Variants in SAG observed in about 807,000 individuals in gnomAD.
The protein encoded by SAG is S-antigen visual arrestin.
Under a neutral mutation model 55.0 loss-of-function variants are expected in SAG, and 45 were observed. The observed-to-expected ratio is 0.82, with a 90% CI of 0.64 to 1.05. The LOEUF (loss-of-function observed/expected upper bound fraction) is 1.05. Among genes scored for constraint, SAG ranks in the 50% least tolerant of loss-of-function variants. The probability of loss-of-function intolerance (pLI) is 0.00; values close to 1 mark genes in which losing one functional copy is unlikely to be tolerated. For synonymous variants in SAG, 189 were observed against 197.4 expected, an observed-to-expected ratio of 0.96 and a Z score of 0.36; for missense variants, 455 against 512.1, an observed-to-expected ratio of 0.89 and a Z score of 1.08.
chr2:233,338,672 G>T lies in SAG; in HGVS notation c.945-4G>T. 1.2e-5 allele frequency: 20 copies of T among 1,613,176 alleles called. No homozygotes were observed. The highest frequency in any genetic ancestry group is 1.7e-5 in the Non-Finnish European group (20 of 1,179,304). On this transcript the variant is annotated splice_polypyrimidine_tract_variant and splice_region_variant and intron_variant, in intron 11 of 15. Coordinates refer to ENST00000409110, the MANE Select transcript of SAG (RefSeq NM_000541.5). Reference sequence around the variant, plus strand: ...CATTCTCCTTTTCCCTTCTGTTTGGGCAGCATTAAGGAGGGCATAGACCGG... The same window carrying T: ...CATTCTCCTTTTCCCTTCTGTTTGGTCAGCATTAAGGAGGGCATAGACCGG...
At chr2:233,327,092 G>A (rs373106718) in intron 6 of SAG, 29 bp from the exon 7 acceptor site, 22 of 1,595,990 alleles carry the variant, frequency 1.4e-5, no homozygotes, top group Middle Eastern at 1.7e-4. Flanking sequence ...GTCGCTGATC[G>A]CTGCCTGTCT....
rs1700762472 is a variant in SAG at position 233,331,545 on chromosome 2, G to C, written c.734-95G>C. Reference sequence around the variant, plus strand: ...GAAGTGGAGGGAAACCATCATCAGAGAGGAGAGACCAGCGTGTACCCTGGG... The same window carrying C: ...GAAGTGGAGGGAAACCATCATCAGACAGGAGAGACCAGCGTGTACCCTGGG... On this transcript the variant is annotated intron_variant, in intron 9 of 15. Coordinates refer to ENST00000409110, the MANE Select transcript of SAG (RefSeq NM_000541.5). The C allele has an allele frequency of 3.8e-6, 3 of 787,700 alleles. No homozygotes were observed. In the African/African-American group the frequency reaches 5.1e-5, roughly 13 times the overall value. The allele number at this position is 787,700 out of a possible 1,614,324, so 48.8% of individuals were successfully genotyped here.
chr2:233,336,736 G>A (rs529548234), intron 11 of SAG, among the ~76,000 whole-genome samples: 2 of 152,196 alleles, frequency 1.3e-5, no homozygotes, highest in African/African-American at 4.8e-5. Flanking sequence ...GACTTGCAGG[G>A]TGTTCTCAGG....
chr2:233,342,592 A>G, intron 14 of SAG: 1 of 465,168 alleles, frequency 2.1e-6, no homozygotes, highest in South Asian at 2.8e-5. Flanking sequence ...GTGAGGTTTT[A>G]TCATGAATGA....
At chr2:233,337,064 C>G (rs1700956079) in intron 11 of SAG, among the ~76,000 whole-genome samples, 1 of 151,240 alleles carries the variant, frequency 6.6e-6, no homozygotes, top group Non-Finnish European at 1.5e-5. Context: ...CCATTGCATT[C>G]CAGCCTAGGT....
chr2:233,338,626 T>C (rs1484157254), intron 11 of SAG, 50 bp from the exon 12 acceptor site: 1 of 1,537,002 alleles, frequency 6.5e-7, no homozygotes, highest in Middle Eastern at 2.1e-4. Context: ...CATCTGCTCT[T>C]CACCCTCCTC....
chr2:233,342,539 T>C (rs1041739860), intron 14 of SAG: 22 of 583,842 alleles, frequency 3.8e-5, no homozygotes, highest in Non-Finnish European at 6.4e-5. Context: ...TCAGCTGGAG[T>C]CTGCAAGATG....
intron 2 of SAG, among the ~76,000 whole-genome samples, chr2:233,310,291 G>A (rs905098492): frequency 6.6e-6 from 1 of 152,022 alleles, no homozygotes; most frequent in Admixed American, 6.6e-5. Flanking sequence ...GAAGAAACAG[G>A]TGAAATTCAT....
At position 233,327,190 on chromosome 2, in the gene SAG, C is replaced by T; in HGVS notation, c.505C>T (p.Pro169Ser). ...CACCGATGCCGAAGAGGACAAAATCCCCAAGAAGTAAGAGTATGGTTGCGG... is the reference window on the plus strand; with the variant it reads ...CACCGATGCCGAAGAGGACAAAATCTCCAAGAAGTAAGAGTATGGTTGCGG... The part of the protein sequence containing the change: ...DSTDAEEDKI[P>S]KKSSVRLLIR... The change falls in exon 7 of 16, where the codon CCC (proline) becomes TCC (serine). Residue 169 changes from proline to serine, a missense_variant. Transcript: ENST00000409110. 6.2e-7 allele frequency: 1 copy of T among 1,613,408 alleles called. No individual in the cohort carries two copies. Among genetic ancestry groups the T allele is most frequent in the Non-Finnish European group, 8.5e-7 (1 of 1,179,514 alleles).
chr2:233,333,599 C>G (rs2125342609), intron 10 of SAG: 1 of 152,352 alleles, frequency 6.6e-6, no homozygotes, highest in South Asian at 2.1e-4. Flanking sequence ...CAGGACAGAC[C>G]TGACTCCCAA....
chr2:233,320,123 A>G, intron 4 of SAG: 1 of 414,402 alleles, frequency 2.4e-6, no homozygotes, highest in Non-Finnish European at 3.2e-6. Flanking sequence ...AGCCTTCTCA[A>G]GTTGGATTTC....
intron 7 of SAG, 140 bp downstream of exon 7, chr2:233,327,337 G>T (rs770166753): frequency 3.3e-6 from 2 of 609,166 alleles, no homozygotes; most frequent in Non-Finnish European, 5.9e-6. Flanking sequence ...TGGGATGGAG[G>T]TCAAAGGTTG....
chr2:233,316,964 C>A (rs147757303), intron 3 of SAG, among the ~76,000 whole-genome samples: 1 of 152,132 alleles, frequency 6.6e-6, no homozygotes, highest in African/African-American at 2.4e-5. Context: ...TGGGCCCAAG[C>A]GATCCTCCGA....
intron 2 of SAG, 137 bp from the exon 3 acceptor site, chr2:233,315,938 G>T: frequency 3.3e-6 from 2 of 615,046 alleles, no homozygotes; most frequent in South Asian, 1.9e-5. Context: ...CTGACCTCGT[G>T]ATCCGCCCGC....
intron 6 of SAG, among the ~76,000 whole-genome samples, chr2:233,324,488 A>G (rs1345537215): frequency 1.3e-5 from 2 of 152,178 alleles, no homozygotes; most frequent in African/African-American, 4.8e-5. Context: ...TCGATGTTGT[A>G]GAGACTTGAG....
At chr2:233,309,068 C>T (rs1700007651) in intron 1 of SAG, 94 bp from the exon 2 acceptor site, 4 of 696,242 alleles carry the variant, frequency 5.7e-6, no homozygotes, top group Middle Eastern at 2.5e-4. Context: ...CACAGGATCT[C>T]GTGAGTAGGT....
At chr2:233,338,390 C>G in intron 11 of SAG, 2 of 367,076 alleles carry the variant, frequency 5.4e-6, no homozygotes, top group Non-Finnish European at 1.0e-5. Flanking sequence ...GGAGGATGAC[C>G]GGGGGATGTG....
intron 2 of SAG, among the ~76,000 whole-genome samples, chr2:233,313,087 T>C (rs1287419900): frequency 2.6e-5 from 4 of 152,200 alleles, no homozygotes; most frequent in Non-Finnish European, 5.9e-5. Flanking sequence ...GACAGGCTCC[T>C]GCAAGAGCAC....
chr2:233,323,136 G>A (rs1700437633), intron 6 of SAG, 131 bp downstream of exon 6: 1 of 671,438 alleles, frequency 1.5e-6, no homozygotes, highest in Non-Finnish European at 2.6e-6. Flanking sequence ...TTGGCTCACT[G>A]CAACCTGTGG....
Sources: allele counts gnomAD v4.1 joint callset (sites outside exome capture counted in the v4.1 genomes callset), GRCh38; gene constraint gnomAD v4.1.1; transcripts MANE v1.5; gene names NCBI Gene and HGNC (gene_info 2026-07-23, HGNC 2026-07-21).